Variants in FSD1L observed in about 807,000 individuals in gnomAD.
The protein encoded by FSD1L is fibronectin type III and SPRY domain containing 1 like.
A neutral mutation model predicts 71.6 loss-of-function variants in FSD1L; 45 were observed. The ratio of observed to expected loss-of-function variants is 0.63; its 90% confidence interval spans 0.49 to 0.81. The LOEUF (loss-of-function observed/expected upper bound fraction) is 0.81. FSD1L is among the 30% of genes least tolerant of loss of function. The pLI is 0.00. For synonymous variants in FSD1L, 197 were observed against 207.2 expected (o/e 0.95, Z 0.42); for missense variants, 561 against 618.1 (o/e 0.91, Z 0.98).
intron 13 of FSD1L, among the ~76,000 whole-genome samples, chr9:105,543,885 A>G (rs897442318): frequency 2.1e-4 from 32 of 152,318 alleles, no homozygotes; most frequent in East Asian, 1.3e-3. Context: ...TAGTGCCGCA[A>G]TAAACATACA....
intron 7 of FSD1L, among the ~76,000 whole-genome samples, chr9:105,493,129 G>A (rs534461178): frequency 2.0e-5 from 3 of 152,216 alleles, no homozygotes; most frequent in African/African-American, 4.8e-5. Flanking sequence ...TATTGTGTGG[G>A]AGTCTAAGTC....
chr9:105,482,196 A>C (rs13301954), intron 6 of FSD1L, among the ~76,000 whole-genome samples: 1 of 152,204 alleles, frequency 6.6e-6, no homozygotes, highest in Non-Finnish European at 1.5e-5. Context: ...ATCATTTGCT[A>C]TGGTAGAAGT....
chr9:105,501,161 G>C (rs1833734149), intron 7 of FSD1L, among the ~76,000 whole-genome samples: 1 of 152,080 alleles, frequency 6.6e-6, no homozygotes, highest in African/African-American at 2.4e-5. Flanking sequence ...ACACATTCAA[G>C]GTGAGAAGCA....
intron 10 of FSD1L, among the ~76,000 whole-genome samples, chr9:105,517,349 G>C (rs994865109): frequency 2.0e-5 from 3 of 152,100 alleles, no homozygotes; most frequent in African/African-American, 7.2e-5. Flanking sequence ...TCCTCAAGAA[G>C]AGCAACCCCA....
At chr9:105,513,579 T>G in intron 10 of FSD1L, 1 of 1,524,470 alleles carries the variant, frequency 6.6e-7, no homozygotes, top group Non-Finnish European at 8.8e-7. Flanking sequence ...TCTTAACAGT[T>G]GCCTGTTTTT....
In FSD1L at chr9:105,547,327, G is replaced by A. The variant is rs41277779; in HGVS notation, c.*844G>A. 0.031 allele frequency: 4,685 copies of A among 152,458 alleles called. 107 individuals are homozygous for A. The highest frequency in any genetic ancestry group is 0.044 in the Non-Finnish European group (2,990 of 67,904). 9.4% of individuals were successfully genotyped at this position (152,458 alleles called of 1,614,324 possible). A position where few individuals can be genotyped will look rare whatever the true frequency, so the allele number is the denominator to read the frequency against. On this transcript the variant is annotated 3_prime_UTR_variant, in exon 14 of 14. Coordinates refer to ENST00000481272, the MANE Select transcript of FSD1L (RefSeq NM_001145313.3). ...AAAATTCCCACTTGAATGTGACACT[G>A]ATAATAATTATGCTGATTTTTAGCA...
chr9:105,445,657 C>T (rs1829625681), upstream of FSD1L, among the ~76,000 whole-genome samples: 1 of 152,174 alleles, frequency 6.6e-6, no homozygotes, highest in Non-Finnish European at 1.5e-5. Context: ...AGCACGCAGT[C>T]TGGTGAGTAG....
intron 10 of FSD1L, chr9:105,530,730 T>C (rs1348834492): frequency 9.8e-6 from 5 of 508,526 alleles, no homozygotes; most frequent in Non-Finnish European, 1.7e-5. Context: ...AAAAGTTTCC[T>C]GATTGTTTCT....
chr9:105,460,137 A>G (rs1473095751), intron 1 of FSD1L, among the ~76,000 whole-genome samples: 5 of 152,180 alleles, frequency 3.3e-5, no homozygotes, highest in Admixed American at 2.0e-4. Context: ...GCCTTAGGCA[A>G]TTCATATAGG....
intron 13 of FSD1L, among the ~76,000 whole-genome samples, chr9:105,544,695 A>G (rs1271970556): frequency 1.3e-5 from 2 of 152,046 alleles, no homozygotes; most frequent in Non-Finnish European, 2.9e-5. Flanking sequence ...TCCTTTCCCC[A>G]TTTCTTGTTT....
intron 10 of FSD1L, chr9:105,521,559 T>C: frequency 6.2e-7 from 1 of 1,613,674 alleles, no homozygotes; most frequent in Non-Finnish European, 8.5e-7. Flanking sequence ...GGTAAAAGTA[T>C]ATCAAGAATG....
chr9:105,499,080 C>G (rs967018077), intron 7 of FSD1L, among the ~76,000 whole-genome samples: 5 of 152,132 alleles, frequency 3.3e-5, no homozygotes, highest in African/African-American at 1.2e-4. Flanking sequence ...GGCAAATGTT[C>G]TATAGGAGCT....
At chr9:105,520,134 T>G in intron 10 of FSD1L, 1 of 1,602,144 alleles carries the variant, frequency 6.2e-7, no homozygotes, top group Middle Eastern at 2.3e-4. Flanking sequence ...CAGGATGTTC[T>G]CCAAGAAGCC....
At chr9:105,521,691 A>G in intron 10 of FSD1L, 1 of 1,613,638 alleles carries the variant, frequency 6.2e-7, no homozygotes, top group East Asian at 2.2e-5. Context: ...AGAAGGAGAA[A>G]AAAGAGAAGA....
Position 105,461,556 on chromosome 9 carries a change from A to G in FSD1L, c.52A>G (p.Lys18Glu), listed in dbSNP as rs1171082971. ...GGAGAATGAAAACGTTACAGTTGAT[A>G]AAGCCTGTTTTCTGATCTCTAACAT... ...FKENENVTVD[K>E]ACFLISNITI... is the part of the protein sequence containing the mutation. The change falls in exon 2 of 14, where the codon AAA (lysine) becomes GAA (glutamate). Residue 18 changes from lysine to glutamate, a missense_variant. By Grantham distance (56) the Lys-to-Glu change is moderately conservative. Transcript: ENST00000481272. 5.2e-6 allele frequency: 8 copies of G among 1,551,798 alleles called. No homozygotes were observed. The highest frequency in any genetic ancestry group is 7.0e-6 in the Non-Finnish European group (8 of 1,146,780).
At position 105,551,597 on chromosome 9, in the gene FSD1L, A is replaced by T. The variant is rs2131560708; in HGVS notation, c.*5114A>T. 6.6e-6 allele frequency: 1 copy of T among 152,328 alleles called. No homozygotes were observed. The highest frequency in any genetic ancestry group is 3.4e-3 in the Middle Eastern group (1 of 294). The allele number at this position is 152,328 out of a possible 1,614,324, so 9.4% of individuals were successfully genotyped here. ...ATTTACTTTGATAAAGCGTGTGCTT[A>T]AAGTGGTATCACCAGTGATTTCTAA... On this transcript the variant is annotated 3_prime_UTR_variant, in exon 14 of 14. Coordinates refer to ENST00000481272, the MANE Select transcript of FSD1L (RefSeq NM_001145313.3).
intron 7 of FSD1L, among the ~76,000 whole-genome samples, chr9:105,485,533 G>GGTTTTTTTTTTTTTTTT (rs1554705301): frequency 1.3e-5 from 1 of 79,406 alleles, no homozygotes. Flanking sequence ...TTGGTTAGGT[G>GGTTTTTTTTTTTTTTTT]TTTTTTTTTT....
chr9:105,539,384 C>T lies in FSD1L; in HGVS notation c.1467+33C>T, dbSNP rs551179004. ...TGTTTTATATCTTATATATACCTAA[C>T]ATATTTTACTTGGTTGGCAACTTTA... On this transcript the variant is annotated intron_variant, in intron 13 of 13. Transcript: ENST00000481272. The T allele has an allele frequency of 4.2e-6, 4 of 942,994 alleles. No homozygotes were observed. The South Asian group carries it at 5.5e-5, about 13-fold the overall frequency. 58.4% of individuals were successfully genotyped at this position (942,994 alleles called of 1,614,324 possible).
chr9:105,478,861 C>CT (rs1281880080), intron 5 of FSD1L, among the ~76,000 whole-genome samples: 2 of 152,138 alleles, frequency 1.3e-5, no homozygotes, highest in African/African-American at 2.4e-5. Flanking sequence ...CAGGCAAACT[C>CT]TGAGAATTCC....
Sources: gnomAD v4.1 joint callset for allele counts (sites outside exome capture counted in the v4.1 genomes callset) on GRCh38, gnomAD v4.1.1 for gene constraint, MANE v1.5 for transcripts, NCBI Gene and HGNC (gene_info 2026-07-23, HGNC 2026-07-21) for gene names.